KALRN: variants seen among roughly 807,000 people sequenced by gnomAD.
KALRN encodes kalirin RhoGEF kinase, also known as kalirin.
In KALRN, 70 loss-of-function variants were observed where a neutral mutation model predicts 353.7. That is an observed-to-expected ratio of 0.20 (90% CI 0.16 to 0.24). KALRN has a LOEUF of 0.24. KALRN is among the 10% of genes least tolerant of loss of function. The probability of loss-of-function intolerance (pLI) is 1.00; values close to 1 mark genes in which losing one functional copy is unlikely to be tolerated. For missense variants in KALRN, 2,791 were observed against 3,756.7 expected, an observed-to-expected ratio of 0.74 and a Z score of 6.72; for synonymous variants, 1,391 against 1,434.8, an observed-to-expected ratio of 0.97 and a Z score of 0.69.
chr3:124,206,793 T>G (rs1385488481), intron 1 of KALRN, among the ~76,000 whole-genome samples: 1 of 152,226 alleles, frequency 6.6e-6, no homozygotes, highest in Non-Finnish European at 1.5e-5. Flanking sequence ...TGTTTATAAT[T>G]ACCACATCAT....
chr3:124,473,998 T>C (rs1437644347), intron 25 of KALRN, among the ~76,000 whole-genome samples: 1 of 152,204 alleles, frequency 6.6e-6, no homozygotes, highest in East Asian at 1.9e-4. Flanking sequence ...TAATACATTA[T>C]TTTGAAGTCA....
intron 33 of KALRN, among the ~76,000 whole-genome samples, chr3:124,507,001 C>T (rs970872639): frequency 6.6e-6 from 1 of 152,168 alleles, no homozygotes; most frequent in Admixed American, 6.5e-5. Flanking sequence ...ACACACAGCA[C>T]CCTCGTTTCC....
chr3:124,368,374 C>T (rs1158733429), intron 10 of KALRN, among the ~76,000 whole-genome samples: 14 of 138,858 alleles, frequency 1.0e-4, no homozygotes, highest in South Asian at 2.4e-4. Context: ...CGCTCCTCAC[C>T]TCCCAGACGG....
chr3:124,248,509 T>C (rs2070670279), intron 3 of KALRN, among the ~76,000 whole-genome samples: 1 of 152,204 alleles, frequency 6.6e-6, no homozygotes, highest in South Asian at 2.1e-4. Flanking sequence ...AGCTATATTC[T>C]TGTTTCTAAA....
intron 20 of KALRN, 106 bp from the exon 21 acceptor site, chr3:124,446,657 C>T (rs2093849570): frequency 5.8e-6 from 8 of 1,386,768 alleles, no homozygotes; most frequent in Non-Finnish European, 8.0e-6. Flanking sequence ...GTCAGTGTTT[C>T]CTGGGTCCAT....
At chr3:124,312,783 T>C (rs1456713493) in intron 6 of KALRN, among the ~76,000 whole-genome samples, 4 of 152,256 alleles carry the variant, frequency 2.6e-5, no homozygotes, top group Non-Finnish European at 4.4e-5. Flanking sequence ...GCTTGAAATT[T>C]AGTCATTCCC....
chr3:124,398,500 A>G (rs537035695), intron 12 of KALRN, among the ~76,000 whole-genome samples, 197 bp from the exon 13 acceptor site: 1 of 152,346 alleles, frequency 6.6e-6, no homozygotes, highest in South Asian at 2.1e-4. Context: ...AACCCAAAAA[A>G]GGATGCATGT....
chr3:124,518,259 G>A (rs917301367), intron 33 of KALRN: 17 of 737,794 alleles, frequency 2.3e-5, no homozygotes, highest in Middle Eastern at 3.2e-4. Context: ...TATTTTTCAG[G>A]TTGCACTCTG....
intron 1 of KALRN, among the ~76,000 whole-genome samples, chr3:124,059,107 T>G (rs1002507235): frequency 6.6e-6 from 1 of 152,138 alleles, no homozygotes; most frequent in African/African-American, 2.4e-5. Flanking sequence ...CTTTCTCAGT[T>G]CACGGTACCT....
chr3:124,065,769 G>T (rs111434723), intron 1 of KALRN, among the ~76,000 whole-genome samples: 5 of 152,292 alleles, frequency 3.3e-5, no homozygotes, highest in African/African-American at 1.2e-4. Flanking sequence ...CTACTGCACA[G>T]GGTTGTGTGA....
rs114589306 is a variant in KALRN at position 124,206,954 on chromosome 3, G to A, written c.74-21036G>A. ...TGATTTCCCACCTCAGAACATTGGC[G>A]TTGGCACTTTCCAAGGGGTTGGTAG... On this transcript the variant is annotated intron_variant, in intron 1 of 59. Transcript: ENST00000682506. 2.0e-3 allele frequency among the ~76,000 whole-genome samples: 302 copies of A among 152,296 alleles called. 2 individuals are homozygous for A. The highest frequency in any genetic ancestry group is 7.0e-3 in the African/African-American group (293 of 41,562).
intron 1 of KALRN, among the ~76,000 whole-genome samples, chr3:124,207,771 G>A (rs1384646606): frequency 2.6e-5 from 4 of 152,224 alleles, no homozygotes; most frequent in Non-Finnish European, 2.9e-5. Context: ...GATATGCAAA[G>A]CACTTAGGAG....
chr3:124,074,766 A>G (rs1463915487), intron 1 of KALRN, among the ~76,000 whole-genome samples: 1 of 152,234 alleles, frequency 6.6e-6, no homozygotes, highest in African/African-American at 2.4e-5. Flanking sequence ...TTCTAGTGTC[A>G]TGATGGCTTA....
chr3:124,598,933 C>T (rs2149432293), intron 34 of KALRN, among the ~76,000 whole-genome samples: 1 of 152,316 alleles, frequency 6.6e-6, no homozygotes, highest in South Asian at 2.1e-4. Flanking sequence ...ACCTCAACCT[C>T]CCACAGTGCT....
At chr3:124,400,051 C>G (rs914209095) in intron 13 of KALRN, among the ~76,000 whole-genome samples, 1 of 152,116 alleles carries the variant, frequency 6.6e-6, no homozygotes. Context: ...CCATTCCAAC[C>G]ATCTCTCTGG....
intron 6 of KALRN, among the ~76,000 whole-genome samples, chr3:124,321,529 A>C (rs1006331385): frequency 9.2e-5 from 14 of 152,234 alleles, no homozygotes; most frequent in Non-Finnish European, 1.5e-4. Flanking sequence ...AACTTTGATC[A>C]AGATTCTGCC....
intron 44 of KALRN, 63 bp downstream of exon 44, chr3:124,661,036 G>A: frequency 3.1e-6 from 4 of 1,291,518 alleles, no homozygotes; most frequent in Non-Finnish European, 2.3e-6. Flanking sequence ...TTTCTCTAGA[G>A]GGGAAAAGAT....
intron 1 of KALRN, among the ~76,000 whole-genome samples, chr3:124,118,347 C>G (rs981246963): frequency 6.6e-6 from 1 of 152,072 alleles, no homozygotes; most frequent in Non-Finnish European, 1.5e-5. Context: ...AGACTATACT[C>G]CCTGTGAAGT....
At chr3:124,107,599 G>C (rs1335204206) in intron 1 of KALRN, among the ~76,000 whole-genome samples, 2 of 152,082 alleles carry the variant, frequency 1.3e-5, no homozygotes, top group Non-Finnish European at 2.9e-5. Flanking sequence ...GCCTGGGAAG[G>C]AATAAATAAG....
Sources: gnomAD v4.1 joint callset for allele counts (sites outside exome capture counted in the v4.1 genomes callset) on GRCh38, gnomAD v4.1.1 for gene constraint, MANE v1.5 for transcripts, NCBI Gene and HGNC (gene_info 2026-07-23, HGNC 2026-07-21) for gene names.